The following RAB38 variants were observed in gnomAD, a reference collection of about 807,000 sequenced individuals.
RAB38 encodes the protein ras-related protein Rab-38.
Under a neutral mutation model 18.4 loss-of-function variants are expected in RAB38, and 15 were observed. The observed-to-expected ratio is 0.82, with a 90% CI of 0.55 to 1.26. The LOEUF (loss-of-function observed/expected upper bound fraction) is 1.26. Among genes scored for constraint, RAB38 ranks in the 50% most tolerant of loss-of-function variants. The probability of loss-of-function intolerance (pLI) is 0.00; values close to 1 mark genes in which losing one functional copy is unlikely to be tolerated. For synonymous variants in RAB38, 101 were observed against 104.4 expected (o/e 0.97, Z 0.20); for missense variants, 294 against 267.4 (o/e 1.10, Z -0.69).
At chr11:87,810,115 G>A in the RAB38 span, among the ~76,000 whole-genome samples, 1 of 152,102 alleles carries the variant, frequency 6.6e-6, no homozygotes, top group African/African-American at 2.4e-5. Context: ...AGACACAGAG[G>A]AGATAGGAGA....
At chr11:87,808,159 A>G in the RAB38 span, among the ~76,000 whole-genome samples, 1 of 152,226 alleles carries the variant, frequency 6.6e-6, no homozygotes, top group East Asian at 1.9e-4. Context: ...ATTCCTAAAA[A>G]TAAGTAAATA....
At chr11:87,964,585 G>A in the RAB38 span, among the ~76,000 whole-genome samples, 1 of 152,038 alleles carries the variant, frequency 6.6e-6, no homozygotes, top group Non-Finnish European at 1.5e-5. Flanking sequence ...TAGACGATGG[G>A]AGAAGAGAAT....
At chr11:88,034,913 A>G in the RAB38 span, among the ~76,000 whole-genome samples, 4 of 152,224 alleles carry the variant, frequency 2.6e-5, no homozygotes, top group African/African-American at 4.8e-5. Flanking sequence ...ATTGGTAAAT[A>G]TTGACAAATA....
At chr11:88,047,524 T>G in the RAB38 span, among the ~76,000 whole-genome samples, 1 of 152,224 alleles carries the variant, frequency 6.6e-6, no homozygotes, top group African/African-American at 2.4e-5. Flanking sequence ...GCCCTCACTC[T>G]TGCAAAAGGA....
chr11:88,040,960 T>C, the RAB38 span, among the ~76,000 whole-genome samples: 2 of 152,242 alleles, frequency 1.3e-5, no homozygotes, highest in African/African-American at 4.8e-5. Context: ...TCTAATGCTG[T>C]ACTAACTTGC....
At chr11:87,814,845 T>C in the RAB38 span, among the ~76,000 whole-genome samples, 2 of 151,898 alleles carry the variant, frequency 1.3e-5, no homozygotes, top group African/African-American at 4.8e-5. Flanking sequence ...GCCATTCTCC[T>C]GCCTCAGCCT....
At chr11:87,842,044 A>T in the RAB38 span, among the ~76,000 whole-genome samples, 1 of 152,186 alleles carries the variant, frequency 6.6e-6, no homozygotes, top group Admixed American at 6.5e-5. Context: ...AGGGTGTAAG[A>T]TTCCGAGACT....
At chr11:88,154,113 G>A (rs1020787525) in intron 1 of RAB38, among the ~76,000 whole-genome samples, 2 of 152,188 alleles carry the variant, frequency 1.3e-5, no homozygotes, top group African/African-American at 4.8e-5. Context: ...AGCATGCCAA[G>A]GGAAAGCACT....
At chr11:88,169,376 G>C (rs981515237) in intron 1 of RAB38, among the ~76,000 whole-genome samples, 1 of 152,046 alleles carries the variant, frequency 6.6e-6, no homozygotes, top group African/African-American at 2.4e-5. Flanking sequence ...TTCCAGCTTT[G>C]CTACACTGAG....
In RAB38 at chr11:88,175,280, A is replaced by T. The variant is rs302646; in HGVS notation, c.105T>A (p.Ser35=). ...IIKRYVHQNF[S]SHYRATIGVD... ...CGCCGATTGTGGCCCGGTAGTGCGA[A>T]GAGAAGTTCTGGTGCACGTAGCGCT... Residue 35 remains serine (S), a synonymous_variant, in exon 1 of 3, where the codon TCT becomes TCA. Transcript: ENST00000243662. 1 of 1,614,012 alleles carries T rather than the reference A, an allele frequency of 6.2e-7. No individual in the cohort carries two copies. The highest frequency in any genetic ancestry group is 8.5e-7 in the Non-Finnish European group (1 of 1,180,008).
At chr11:87,814,628 T>C in the RAB38 span, among the ~76,000 whole-genome samples, 1 of 152,214 alleles carries the variant, frequency 6.6e-6, no homozygotes, top group Non-Finnish European at 1.5e-5. Context: ...GGAATGCTTT[T>C]TCCCTGAGTT....
the RAB38 span, among the ~76,000 whole-genome samples, chr11:87,967,808 G>T: frequency 6.6e-6 from 1 of 152,118 alleles, no homozygotes; most frequent in African/African-American, 2.4e-5. Context: ...AAATAATGTT[G>T]TCTTCAGAGA....
the RAB38 span, among the ~76,000 whole-genome samples, chr11:88,041,826 G>A: frequency 5.3e-5 from 8 of 152,074 alleles, no homozygotes; most frequent in East Asian, 1.9e-4. Context: ...TTCCCTCTGC[G>A]ACTGTGGTAT....
chr11:87,824,679 G>T, the RAB38 span, among the ~76,000 whole-genome samples: 1 of 152,046 alleles, frequency 6.6e-6, no homozygotes. Context: ...AGAGAAAGCT[G>T]AATAAATGTC....
intron 1 of RAB38, chr11:88,167,219 C>G (rs1943256283): frequency 6.6e-6 from 1 of 151,696 alleles, no homozygotes; most frequent in Non-Finnish European, 1.5e-5. Context: ...TTTTTTTTAG[C>G]TAGAGACAAC....
the RAB38 span, among the ~76,000 whole-genome samples, chr11:88,006,036 C>G: frequency 6.6e-6 from 1 of 151,436 alleles, no homozygotes; most frequent in African/African-American, 2.4e-5. Context: ...AACTATACAT[C>G]TGATAAGAGG....
chr11:88,097,569 G>A, the RAB38 span, among the ~76,000 whole-genome samples: 35,714 of 151,628 alleles, frequency 0.24, 5,283 homozygotes, highest in East Asian at 0.43. Context: ...GGTGCCCTCA[G>A]CTTTGTGACT....
chr11:87,925,913 A>G, the RAB38 span, among the ~76,000 whole-genome samples: 1 of 152,022 alleles, frequency 6.6e-6, no homozygotes, highest in South Asian at 2.1e-4. Flanking sequence ...GCTTCTTCTA[A>G]CATTGATACC....
intron 2 of RAB38, among the ~76,000 whole-genome samples, chr11:88,124,083 A>T (rs1403561301): frequency 6.6e-6 from 1 of 152,208 alleles, no homozygotes; most frequent in Admixed American, 6.5e-5. Flanking sequence ...CCTTGGGTGA[A>T]AACAAATAGG....
Sources: gnomAD v4.1 joint callset for allele counts (sites outside exome capture counted in the v4.1 genomes callset) on GRCh38, gnomAD v4.1.1 for gene constraint, MANE v1.5 for transcripts, NCBI Gene and HGNC (gene_info 2026-07-23, HGNC 2026-07-21) for gene names.